RIMS1: variants seen among roughly 807,000 people sequenced by gnomAD.
RIMS1 encodes the protein regulating synaptic membrane exocytosis protein 1.
In RIMS1, 83 loss-of-function variants were observed where a neutral mutation model predicts 214.1. The ratio of observed to expected loss-of-function variants is 0.39; its 90% CI spans 0.32 to 0.47. The LOEUF is 0.47. Ranked by LOEUF, RIMS1 falls within the 20% of genes least tolerant of loss-of-function variation. RIMS1 has a pLI of 0.99. For synonymous variants in RIMS1, 793 were observed against 786.8 expected (o/e 1.01, Z -0.13); for missense variants, 2,050 against 2,161.8 (o/e 0.95, Z 1.03).
chr6:72,132,424 T>C (rs748645615), intron 4 of RIMS1, among the ~76,000 whole-genome samples: 2 of 152,230 alleles, frequency 1.3e-5, no homozygotes, highest in Non-Finnish European at 2.9e-5. Flanking sequence ...AAAACATGTA[T>C]TACTTGAAAA....
chr6:72,164,267 C>T (rs938613487), intron 4 of RIMS1, among the ~76,000 whole-genome samples: 4 of 152,036 alleles, frequency 2.6e-5, no homozygotes, highest in East Asian at 1.9e-4. Context: ...GGGAGTGACC[C>T]GATTTTCCAG....
intron 4 of RIMS1, chr6:72,175,459 G>A (rs2047570520): frequency 3.3e-6 from 1 of 306,428 alleles, no homozygotes; most frequent in South Asian, 2.7e-5. Flanking sequence ...GATCACCTGA[G>A]GTCAGGAGTT....
intron 2 of RIMS1, among the ~76,000 whole-genome samples, chr6:72,070,471 A>G (rs1219798730): frequency 6.6e-6 from 1 of 152,220 alleles, no homozygotes; most frequent in East Asian, 1.9e-4. Context: ...TATTAGGGCA[A>G]GTACTGTTGC....
chr6:71,974,819 T>C (rs566983927), intron 2 of RIMS1, among the ~76,000 whole-genome samples: 3 of 152,318 alleles, frequency 2.0e-5, no homozygotes, highest in Admixed American at 1.3e-4. Flanking sequence ...AGAAAACAGT[T>C]GGCTATTCTA....
chr6:72,043,991 G>A (rs997957100), intron 2 of RIMS1, among the ~76,000 whole-genome samples: 4 of 151,298 alleles, frequency 2.6e-5, no homozygotes, highest in Admixed American at 2.6e-4. Flanking sequence ...TCTTTTTAAT[G>A]ATGTAATTAA....
At chr6:72,396,523 C>T (rs761780467) in intron 31 of RIMS1, among the ~76,000 whole-genome samples, 4 of 152,096 alleles carry the variant, frequency 2.6e-5, no homozygotes, top group Non-Finnish European at 5.9e-5. Context: ...CTCTTTGCAG[C>T]ATTTTTTTGT....
intron 23 of RIMS1, among the ~76,000 whole-genome samples, chr6:72,277,525 T>A (rs1455986240): frequency 1.3e-4 from 20 of 150,220 alleles, no homozygotes; most frequent in Non-Finnish European, 2.5e-4. Flanking sequence ...GAGCTTGCAG[T>A]GAGCCGACAT....
intron 8 of RIMS1, among the ~76,000 whole-genome samples, chr6:72,237,128 C>T (rs1330109359): frequency 6.6e-6 from 1 of 151,806 alleles, no homozygotes; most frequent in Non-Finnish European, 1.5e-5. Flanking sequence ...AACACTTGAG[C>T]CTGGGAGTTC....
intron 29 of RIMS1, among the ~76,000 whole-genome samples, chr6:72,359,363 G>A (rs1442262305): frequency 6.6e-6 from 1 of 152,136 alleles, no homozygotes; most frequent in African/African-American, 2.4e-5. Flanking sequence ...GTTTAAAGAT[G>A]TTACTGAGAA....
At chr6:72,026,681 T>C (rs1816618858) in intron 2 of RIMS1, among the ~76,000 whole-genome samples, 1 of 152,086 alleles carries the variant, frequency 6.6e-6, no homozygotes, top group Admixed American at 6.6e-5. Context: ...AAACCTTATC[T>C]AATCAACAGA....
At chr6:72,168,343 A>T (rs983398610) in intron 4 of RIMS1, among the ~76,000 whole-genome samples, 2 of 152,224 alleles carry the variant, frequency 1.3e-5, no homozygotes, top group South Asian at 4.1e-4. Context: ...CAGAAATGAA[A>T]GGAAATAAAG....
At chr6:72,182,187 T>C in intron 5 of RIMS1, 97 bp from the exon 6 acceptor site, 1 of 1,307,708 alleles carries the variant, frequency 7.6e-7, no homozygotes, top group Non-Finnish European at 1.0e-6. Context: ...CTAATTATTG[T>C]AACTGAAATG....
In RIMS1 at chr6:72,151,212, T is replaced by G. The variant is rs113929342; in HGVS notation, c.472-28363T>G. 5.7e-3 allele frequency among the ~76,000 whole-genome samples: 865 copies of G among 152,122 alleles called. 10 individuals carry two copies. The highest frequency in any genetic ancestry group is 0.02 in the African/African-American group (821 of 41,490). On this transcript the variant is annotated intron_variant, in intron 4 of 33. Transcript: ENST00000521978. Reference sequence around the variant, plus strand: ...CTCCCGCCACCATGCCTGGCTAATTTTTTGTATTTTTAGTAGAGACGGGGT... The same window carrying G: ...CTCCCGCCACCATGCCTGGCTAATTGTTTGTATTTTTAGTAGAGACGGGGT...
chr6:72,098,547 G>T (rs373440731), intron 3 of RIMS1, among the ~76,000 whole-genome samples: 2 of 150,410 alleles, frequency 1.3e-5, no homozygotes, highest in African/African-American at 4.9e-5. Context: ...CGCCCGTCTC[G>T]GCTTCCCAAA....
intron 16 of RIMS1, among the ~76,000 whole-genome samples, chr6:72,253,817 A>T (rs959654321): frequency 5.3e-5 from 8 of 152,164 alleles, no homozygotes; most frequent in Non-Finnish European, 1.0e-4. Flanking sequence ...GAGTTCTCTA[A>T]AATCAGGTTT....
At chr6:72,255,448 C>T (rs1459441146) in intron 16 of RIMS1, among the ~76,000 whole-genome samples, 1 of 152,120 alleles carries the variant, frequency 6.6e-6, no homozygotes, top group East Asian at 1.9e-4. Flanking sequence ...CTTGGCTTTT[C>T]TAGAACACGA....
intron 2 of RIMS1, among the ~76,000 whole-genome samples, chr6:72,038,872 A>G (rs937114973): frequency 2.0e-5 from 3 of 152,144 alleles, no homozygotes; most frequent in African/African-American, 4.8e-5. Flanking sequence ...GTGTTTTCCT[A>G]TTGCCCTGAA....
intron 29 of RIMS1, among the ~76,000 whole-genome samples, chr6:72,367,618 T>C (rs1456817466): frequency 6.6e-6 from 1 of 152,180 alleles, no homozygotes; most frequent in Non-Finnish European, 1.5e-5. Flanking sequence ...TACTCTGATG[T>C]CACAAACAGC....
At chr6:72,398,453 CTGAT>C in intron 32 of RIMS1, 103 bp downstream of exon 32, 1 of 657,534 alleles carries the variant, frequency 1.5e-6, no homozygotes. Flanking sequence ...TTTGCATCAT[CTGAT>C]TGATTAAAAA....
Sources: allele counts gnomAD v4.1 joint callset (sites outside exome capture counted in the v4.1 genomes callset), GRCh38; gene constraint gnomAD v4.1.1; transcripts MANE v1.5; gene names NCBI Gene and HGNC (gene_info 2026-07-23, HGNC 2026-07-21).